OXCT1: variants seen among roughly 807,000 people sequenced by gnomAD.
OXCT1 encodes succinyl-CoA:3-ketoacid coenzyme A transferase 1, mitochondrial.
OXCT1 carries 27 observed loss-of-function variants against 69.6 expected under a neutral mutation model. That is an observed-to-expected ratio of 0.39 (90% CI 0.29 to 0.54). The LOEUF (loss-of-function observed/expected upper bound fraction) is 0.54. OXCT1 is among the 20% of genes least tolerant of loss of function. The pLI, the probability that OXCT1 is intolerant of heterozygous loss-of-function variation, is 0.72. For missense variants in OXCT1, 437 were observed against 650.2 expected, an observed-to-expected ratio of 0.67 and a Z score of 3.57; for synonymous variants, 202 against 217.8, an observed-to-expected ratio of 0.93 and a Z score of 0.64.
chr5:41,775,235 C>T (rs951554365), intron 13 of OXCT1, among the ~76,000 whole-genome samples: 1 of 152,062 alleles, frequency 6.6e-6, no homozygotes, highest in South Asian at 2.1e-4. Context: ...TACAAAACTG[C>T]TCCCCATTTC....
At chr5:41,781,397 G>T (rs896991520) in intron 13 of OXCT1, among the ~76,000 whole-genome samples, 61 of 149,202 alleles carry the variant, frequency 4.1e-4, no homozygotes, top group Non-Finnish European at 1.9e-4. Flanking sequence ...AGAAGCTGAG[G>T]TCTAGAAAGA....
intron 14 of OXCT1, among the ~76,000 whole-genome samples, chr5:41,753,351 G>T (rs1231192091): frequency 6.6e-6 from 1 of 151,238 alleles, no homozygotes; most frequent in Non-Finnish European, 1.5e-5. Flanking sequence ...ACGTGTGCAC[G>T]TATTTTTTCT....
intron 3 of OXCT1, among the ~76,000 whole-genome samples, chr5:41,859,865 A>ATATATATATATATATATAT (rs1561135450): frequency 2.5e-4 from 15 of 59,094 alleles, no homozygotes; most frequent in African/African-American, 4.6e-4. Context: ...TAGTATAGTA[A>ATATATATATATATATATAT]TATATATATA....
chr5:41,847,026 C>T (rs949257430), intron 5 of OXCT1, among the ~76,000 whole-genome samples: 1 of 151,836 alleles, frequency 6.6e-6, no homozygotes, highest in African/African-American at 2.4e-5. Flanking sequence ...AACTGATAGA[C>T]CGCTAGCAAG....
At chr5:41,816,337 C>A (rs975191013) in intron 7 of OXCT1, among the ~76,000 whole-genome samples, 1 of 152,070 alleles carries the variant, frequency 6.6e-6, no homozygotes, top group East Asian at 1.9e-4. Context: ...CTCTGTGGTT[C>A]AGTTTTCAAA....
intron 16 of OXCT1, among the ~76,000 whole-genome samples, chr5:41,733,539 G>T (rs1742744462): frequency 6.6e-6 from 1 of 152,124 alleles, no homozygotes; most frequent in African/African-American, 2.4e-5. Flanking sequence ...AAGCCACCGT[G>T]CCTGGCCCAA....
At chr5:41,869,838 G>A (rs770732560) in intron 1 of OXCT1, among the ~76,000 whole-genome samples, 4 of 152,218 alleles carry the variant, frequency 2.6e-5, no homozygotes, top group African/African-American at 4.8e-5. Flanking sequence ...AGGTTCCTCT[G>A]CCCAGAGATC....
At chr5:41,862,217 A>G (rs1342589826) in intron 2 of OXCT1, among the ~76,000 whole-genome samples, 1 of 152,216 alleles carries the variant, frequency 6.6e-6, no homozygotes, top group Non-Finnish European at 1.5e-5. Context: ...TCGAGAGTCC[A>G]AACAAGAAGC....
chr5:41,822,318 G>A (rs994116928), intron 7 of OXCT1, among the ~76,000 whole-genome samples: 10 of 151,970 alleles, frequency 6.6e-5, no homozygotes, highest in Non-Finnish European at 2.9e-5. Context: ...GGGGTGGGAG[G>A]AGACCAGAAA....
At chr5:41,761,713 T>C (rs1239947365) in intron 14 of OXCT1, among the ~76,000 whole-genome samples, 4 of 152,162 alleles carry the variant, frequency 2.6e-5, no homozygotes, top group Non-Finnish European at 5.9e-5. Context: ...TGTTAAGATG[T>C]ATGTTCTGTT....
chr5:41,850,117 T>G lies in OXCT1; in HGVS notation c.477A>C (p.Thr159=), dbSNP rs141567487. ...GAGVPAFYTP[T]GYGTLVQEGG... is the part of the protein sequence containing the mutation. The stretch of plus-strand genomic sequence containing the variant: ...CTTCTTGTACCAGGGTCCCATACCC[T>G]GTTGGGGTGTAAAATGCAGGAACTC... Residue 159 remains threonine, a synonymous_variant, in exon 5 of 17, where the codon ACA becomes ACC. Coordinates refer to ENST00000196371, the MANE Select transcript of OXCT1 (RefSeq NM_000436.4). 1.9e-6 allele frequency: 3 copies of G among 1,613,830 alleles called. No individual in the cohort carries two copies. The African/African-American group carries it at 4.0e-5, about 22-fold the overall frequency.
At chr5:41,772,589 T>C (rs1744927734) in intron 13 of OXCT1, among the ~76,000 whole-genome samples, 1 of 152,206 alleles carries the variant, frequency 6.6e-6, no homozygotes, top group African/African-American at 2.4e-5. Flanking sequence ...TACAAAGTAT[T>C]TTGATTCTAC....
chr5:41,846,974 G>GTTGT (rs1384769506), intron 5 of OXCT1, among the ~76,000 whole-genome samples: 2 of 152,014 alleles, frequency 1.3e-5, no homozygotes, highest in Non-Finnish European at 2.9e-5. Flanking sequence ...TTTTGATGGG[G>GTTGT]TTGTTTTTTT....
chr5:41,802,745 G>A (rs1176763183), intron 10 of OXCT1, among the ~76,000 whole-genome samples: 2 of 152,058 alleles, frequency 1.3e-5, no homozygotes, highest in Admixed American at 6.6e-5. Context: ...GGGAGACGCA[G>A]TCAGAAAGCC....
At chr5:41,823,265 A>C (rs951219290) in intron 7 of OXCT1, among the ~76,000 whole-genome samples, 1 of 152,186 alleles carries the variant, frequency 6.6e-6, no homozygotes, top group Non-Finnish European at 1.5e-5. Flanking sequence ...GGTATATTTC[A>C]AAATGTCCAC....
chr5:41,869,729 G>C (rs973012119), intron 1 of OXCT1, among the ~76,000 whole-genome samples: 5 of 152,110 alleles, frequency 3.3e-5, no homozygotes, highest in Admixed American at 3.3e-4. Context: ...AGGGAGGAGA[G>C]GATGGGAGCG....
chr5:41,767,856 T>C (rs1744690911), intron 13 of OXCT1, among the ~76,000 whole-genome samples: 2 of 151,410 alleles, frequency 1.3e-5, no homozygotes, highest in Admixed American at 6.6e-5. Flanking sequence ...TCTATGGTCC[T>C]GGTTCCTCCT....
intron 7 of OXCT1, among the ~76,000 whole-genome samples, chr5:41,833,985 G>T (rs1256806287): frequency 6.6e-6 from 1 of 150,870 alleles, no homozygotes; most frequent in African/African-American, 2.4e-5. Flanking sequence ...TCCAGCCTGG[G>T]CAACAAGAGC....
At chr5:41,768,601 C>T (rs1303808331) in intron 13 of OXCT1, among the ~76,000 whole-genome samples, 3 of 152,154 alleles carry the variant, frequency 2.0e-5, no homozygotes, top group African/African-American at 7.2e-5. Context: ...GCCTCTCCCT[C>T]ATAACCCACA....
Sources: gnomAD v4.1 joint callset for allele counts (sites outside exome capture counted in the v4.1 genomes callset) on GRCh38, gnomAD v4.1.1 for gene constraint, MANE v1.5 for transcripts, NCBI Gene and HGNC (gene_info 2026-07-23, HGNC 2026-07-21) for gene names.